Variants in DYNC1I1 observed in about 807,000 individuals in gnomAD.
The protein encoded by DYNC1I1 is dynein cytoplasmic 1 intermediate chain 1, also known as cytoplasmic dynein 1 intermediate chain 1.
In DYNC1I1, 43 loss-of-function variants were observed where a neutral mutation model predicts 86.6. The observed-to-expected ratio is 0.50, with a 90% confidence interval of 0.39 to 0.64. The LOEUF (loss-of-function observed/expected upper bound fraction) is 0.64, where lower values mean the gene tolerates loss of function less well. Ranked by LOEUF, DYNC1I1 falls within the 30% of genes least tolerant of loss-of-function variation. DYNC1I1 has a pLI of 0.00. For synonymous variants in DYNC1I1, 262 were observed against 283.7 expected (o/e 0.92, Z 0.77); for missense variants, 604 against 788.8 (o/e 0.77, Z 2.81).
intron 10 of DYNC1I1, among the ~76,000 whole-genome samples, chr7:95,997,164 T>G (rs888236119): frequency 6.6e-6 from 1 of 152,192 alleles, no homozygotes; most frequent in Non-Finnish European, 1.5e-5. Flanking sequence ...GTATGGTAAA[T>G]AACCTTTATT....
intron 10 of DYNC1I1, among the ~76,000 whole-genome samples, chr7:96,008,846 A>G (rs1278062165): frequency 6.6e-6 from 1 of 152,234 alleles, no homozygotes; most frequent in Non-Finnish European, 1.5e-5. Flanking sequence ...CCACCTTGGA[A>G]CAATTAACCC....
chr7:95,954,991 CAT>C (rs920912118), intron 6 of DYNC1I1, among the ~76,000 whole-genome samples: 3 of 148,028 alleles, frequency 2.0e-5, no homozygotes, highest in Non-Finnish European at 4.5e-5. Context: ...TTTTGAATAT[CAT>C]ATGTCAGTGC....
At chr7:95,872,882 C>T (rs1317901149) in intron 6 of DYNC1I1, among the ~76,000 whole-genome samples, 1 of 152,188 alleles carries the variant, frequency 6.6e-6, no homozygotes, top group Non-Finnish European at 1.5e-5. Flanking sequence ...CTGTACCAAC[C>T]ATGAGGTCCT....
chr7:95,877,084 T>C (rs1313887159), intron 6 of DYNC1I1, among the ~76,000 whole-genome samples: 2 of 152,230 alleles, frequency 1.3e-5, no homozygotes, highest in Non-Finnish European at 2.9e-5. Flanking sequence ...TTCAGGTGGA[T>C]GCAGCAGAAA....
At chr7:95,886,626 GACA>G (rs1387730133) in intron 6 of DYNC1I1, among the ~76,000 whole-genome samples, 24 of 152,202 alleles carry the variant, frequency 1.6e-4, no homozygotes, top group African/African-American at 4.8e-4. Flanking sequence ...TCCTTAAGAA[GACA>G]ACAATTTTTT....
intron 6 of DYNC1I1, among the ~76,000 whole-genome samples, chr7:95,923,468 C>T (rs1435195062): frequency 6.6e-6 from 1 of 152,050 alleles, no homozygotes; most frequent in Non-Finnish European, 1.5e-5. Flanking sequence ...TTGTATTTCG[C>T]TTATTTTGCC....
At chr7:96,066,368 C>G (rs1286977237) in intron 14 of DYNC1I1, among the ~76,000 whole-genome samples, 1 of 152,340 alleles carries the variant, frequency 6.6e-6, no homozygotes, top group African/African-American at 2.4e-5. Context: ...CTTCAAATTC[C>G]TCTGGCACCT....
At chr7:95,802,691 CA>C (rs1794609418) in intron 1 of DYNC1I1, 1 of 152,100 alleles carries the variant, frequency 6.6e-6, no homozygotes, top group African/African-American at 2.4e-5. Flanking sequence ...CTCACTCTGC[CA>C]CCCAGGCTAG....
intron 3 of DYNC1I1, among the ~76,000 whole-genome samples, chr7:95,811,648 A>G (rs1490507787): frequency 1.3e-5 from 2 of 152,152 alleles, no homozygotes; most frequent in African/African-American, 2.4e-5. Context: ...TAAAAATAGT[A>G]TGTTCAACAA....
chr7:95,815,372 A>C (rs911740843), intron 4 of DYNC1I1, among the ~76,000 whole-genome samples: 1 of 152,176 alleles, frequency 6.6e-6, no homozygotes, highest in Non-Finnish European at 1.5e-5. Context: ...AACCTCCTGC[A>C]AAGTGCAGGT....
intron 6 of DYNC1I1, among the ~76,000 whole-genome samples, chr7:95,975,951 T>C (rs1161036475): frequency 1.3e-5 from 2 of 152,216 alleles, no homozygotes; most frequent in Non-Finnish European, 2.9e-5. Flanking sequence ...ATTAGGACTT[T>C]CCAAATGGAA....
At chr7:95,994,443 G>A (rs1793808652) in intron 9 of DYNC1I1, among the ~76,000 whole-genome samples, 1 of 152,156 alleles carries the variant, frequency 6.6e-6, no homozygotes, top group Admixed American at 6.5e-5. Flanking sequence ...AGGATTGTCT[G>A]GAGGACTTGA....
intron 5 of DYNC1I1, among the ~76,000 whole-genome samples, chr7:95,846,519 A>G (rs1286674162): frequency 6.6e-6 from 1 of 152,226 alleles, no homozygotes; most frequent in African/African-American, 2.4e-5. Context: ...ACATAGAAGA[A>G]TGGAAGCTCA....
At chr7:95,916,257 T>C (rs1310056363) in intron 6 of DYNC1I1, among the ~76,000 whole-genome samples, 1 of 152,204 alleles carries the variant, frequency 6.6e-6, no homozygotes, top group South Asian at 2.1e-4. Flanking sequence ...AGTCACTTCA[T>C]TGTGGGCTTA....
chr7:95,838,722 A>G (rs958258672), intron 5 of DYNC1I1, among the ~76,000 whole-genome samples: 3 of 151,984 alleles, frequency 2.0e-5, no homozygotes, highest in Non-Finnish European at 1.5e-5. Context: ...TAAATGCTTC[A>G]TAGTTCTTTT....
intron 10 of DYNC1I1, among the ~76,000 whole-genome samples, chr7:95,999,488 G>A (rs368000619): frequency 1.4e-4 from 22 of 152,234 alleles, no homozygotes; most frequent in African/African-American, 4.3e-4. Context: ...AGCTAACCTC[G>A]TTTGTGTCAG....
chr7:95,948,936 A>C (rs953033451), intron 6 of DYNC1I1, among the ~76,000 whole-genome samples: 16 of 152,188 alleles, frequency 1.1e-4, no homozygotes, highest in African/African-American at 3.9e-4. Context: ...TCAGGTTTAT[A>C]GGATGATGTT....
intron 6 of DYNC1I1, among the ~76,000 whole-genome samples, chr7:95,950,808 G>T (rs973327183): frequency 6.6e-6 from 1 of 152,058 alleles, no homozygotes; most frequent in African/African-American, 2.4e-5. Context: ...AAAGCATATT[G>T]GTAAAATACC....
chr7:96,082,642 A>C (rs1229773674), intron 16 of DYNC1I1, among the ~76,000 whole-genome samples: 1 of 152,198 alleles, frequency 6.6e-6, no homozygotes, highest in African/African-American at 2.4e-5. Flanking sequence ...ATATATATGC[A>C]CACACATACA....
Sources: allele counts gnomAD v4.1 joint callset (sites outside exome capture counted in the v4.1 genomes callset), GRCh38; gene constraint gnomAD v4.1.1; transcripts MANE v1.5; gene names NCBI Gene and HGNC (gene_info 2026-07-23, HGNC 2026-07-21).